The following BAIAP2 variants were observed in gnomAD, a reference collection of about 807,000 sequenced individuals.
BAIAP2 encodes BAR/IMD domain-containing adapter protein 2.
Under a neutral mutation model 63.0 loss-of-function variants are expected in BAIAP2, and 18 were observed. The observed-to-expected ratio is 0.29, with a 90% CI of 0.20 to 0.42. The LOEUF is 0.42. BAIAP2 is among the 10% of genes least tolerant of loss of function. The probability of loss-of-function intolerance (pLI) is 1.00; values close to 1 mark genes in which losing one functional copy is unlikely to be tolerated. For missense variants in BAIAP2, 610 were observed against 734.3 expected, an observed-to-expected ratio of 0.83 and a Z score of 1.96; for synonymous variants, 386 against 307.6, an observed-to-expected ratio of 1.25 and a Z score of -2.67.
intron 3 of BAIAP2, among the ~76,000 whole-genome samples, chr17:81,058,225 G>A (rs1384995084): frequency 6.6e-6 from 1 of 152,168 alleles, no homozygotes; most frequent in African/African-American, 2.4e-5. Flanking sequence ...AGTGTTCCCG[G>A]CAAATTGGAG....
At chr17:81,072,663 G>C (rs927688109) in intron 3 of BAIAP2, among the ~76,000 whole-genome samples, 32 of 152,146 alleles carry the variant, frequency 2.1e-4, no homozygotes, top group African/African-American at 7.0e-4. Context: ...AGACACCTGC[G>C]CCCAGAGGCC....
chr17:81,110,042 A>G, intron 13 of BAIAP2: 1 of 985,494 alleles, frequency 1.0e-6, no homozygotes. Context: ...CAGTGGACTC[A>G]GTGGCTACTG....
At chr17:81,082,293 T>G (rs2054761259) in intron 3 of BAIAP2, among the ~76,000 whole-genome samples, 1 of 152,120 alleles carries the variant, frequency 6.6e-6, no homozygotes, top group Non-Finnish European at 1.5e-5. Context: ...TAGGTAGACA[T>G]GCACGCACAT....
chr17:81,113,434 A>C (rs1435837840), intron 13 of BAIAP2, among the ~76,000 whole-genome samples: 1 of 152,162 alleles, frequency 6.6e-6, no homozygotes, highest in African/African-American at 2.4e-5. Flanking sequence ...ACTTTGTCAT[A>C]TTCTATTGGC....
intron 6 of BAIAP2, among the ~76,000 whole-genome samples, chr17:81,097,415 T>G (rs1044797104): frequency 2.0e-5 from 3 of 152,210 alleles, no homozygotes; most frequent in Non-Finnish European, 4.4e-5. Flanking sequence ...TTCTCACCCC[T>G]GTAGTGGAGG....
intron 7 of BAIAP2, among the ~76,000 whole-genome samples, chr17:81,102,075 C>A (rs936321177): frequency 2.0e-5 from 3 of 151,148 alleles, no homozygotes; most frequent in Non-Finnish European, 4.4e-5. Context: ...GCGGGATGTG[C>A]CTGCGGTGGC....
At chr17:81,103,845 T>C (rs2058803047) in intron 8 of BAIAP2, 62 bp from the exon 9 acceptor site, 1 of 1,601,414 alleles carries the variant, frequency 6.2e-7, no homozygotes, top group Non-Finnish European at 8.5e-7. Context: ...AGGGTTCTCT[T>C]TCCCCCTGGT....
intron 3 of BAIAP2, among the ~76,000 whole-genome samples, chr17:81,067,921 C>T (rs779534092): frequency 6.6e-6 from 1 of 152,294 alleles, no homozygotes; most frequent in Non-Finnish European, 1.5e-5. Flanking sequence ...AGAGAGGAGC[C>T]GCTCAGCCTT....
At chr17:81,080,008 C>T (rs1481719533) in intron 3 of BAIAP2, among the ~76,000 whole-genome samples, 3 of 152,184 alleles carry the variant, frequency 2.0e-5, no homozygotes, top group East Asian at 1.9e-4. Flanking sequence ...AGGCTCTCAA[C>T]GGCTGTGGAG....
In BAIAP2 at chr17:81,036,940, T is replaced by G. The variant is rs1391506993; in HGVS notation, c.54+1632T>G. 2.0e-6 allele frequency: 3 copies of G among 1,535,822 alleles called. No individual in the cohort carries two copies. The Admixed American group carries it at 5.9e-5, about 30-fold the overall frequency. ...CGCTGAAACCAGAAAGCAGGAACTT[T>G]CGTGGTGAGAGTTGGCAGGGGGTGA... On this transcript the variant is annotated intron_variant, in intron 1 of 13. Coordinates refer to ENST00000428708, the MANE Select transcript of BAIAP2 (RefSeq NM_001144888.2).
intron 12 of BAIAP2, chr17:81,108,164 G>A: frequency 2.2e-6 from 1 of 463,112 alleles, no homozygotes; most frequent in Non-Finnish European, 3.8e-6. Flanking sequence ...CGGCTCCCTG[G>A]GGGCAGGAGG....
At chr17:81,082,105 G>C (rs1263034551) in intron 3 of BAIAP2, among the ~76,000 whole-genome samples, 1 of 152,064 alleles carries the variant, frequency 6.6e-6, no homozygotes, top group Non-Finnish European at 1.5e-5. Context: ...GATCCAGCAT[G>C]ACCTACCTGT....
intron 3 of BAIAP2, among the ~76,000 whole-genome samples, chr17:81,068,151 C>T (rs911825069): frequency 1.3e-5 from 2 of 152,208 alleles, no homozygotes; most frequent in African/African-American, 4.8e-5. Flanking sequence ...AGACACTGGT[C>T]GCAGCCACGC....
At chr17:81,036,564 G>T (rs2046296139) in intron 1 of BAIAP2, among the ~76,000 whole-genome samples, 1 of 152,242 alleles carries the variant, frequency 6.6e-6, no homozygotes, top group South Asian at 2.1e-4. Flanking sequence ...CTTGAATACA[G>T]CTTTCAATAA....
At position 81,046,638 on chromosome 17, in the gene BAIAP2, G is replaced by A. The variant is rs9902544; in HGVS notation, c.55-7030G>A. On this transcript the variant is annotated intron_variant, in intron 1 of 13. Transcript: ENST00000428708. This position sits in a 1 kb window ranked among gnomAD's most constrained non-coding sequence, Gnocchi z 4.5. ...GTCCCCCAACCCCCCTGGCAGCCAA[G>A]GGAACTGAGCCTGTGGCCCCCGGAC... Among the ~76,000 whole-genome samples, 10,543 of 152,160 alleles carry A rather than the reference G, an allele frequency of 0.069. 582 individuals are homozygous for A. Among genetic ancestry groups the A allele is most frequent in the East Asian group, 0.32 (1,626 of 5,138 alleles).
chr17:81,098,176 C>T (rs2057956923), intron 6 of BAIAP2: 3 of 1,455,638 alleles, frequency 2.1e-6, no homozygotes, highest in Middle Eastern at 1.8e-4. Context: ...GTCACTTCCA[C>T]CTACAGCCCT....
intron 1 of BAIAP2, among the ~76,000 whole-genome samples, chr17:81,048,634 A>G (rs1054942954): frequency 1.3e-5 from 2 of 152,158 alleles, no homozygotes; most frequent in African/African-American, 2.4e-5. Flanking sequence ...TCGCCAGCCA[A>G]AAGGGCTCCC....
intron 3 of BAIAP2, among the ~76,000 whole-genome samples, chr17:81,079,392 G>A (rs759585242): frequency 1.3e-5 from 2 of 152,132 alleles, no homozygotes; most frequent in African/African-American, 2.4e-5. Flanking sequence ...AGTGTGGACC[G>A]GCTGCTGCTT....
intron 6 of BAIAP2, among the ~76,000 whole-genome samples, chr17:81,090,815 C>A (rs1182891287): frequency 7.8e-6 from 1 of 127,910 alleles, no homozygotes; most frequent in African/African-American, 2.6e-5. Context: ...CTGCCGGCCT[C>A]GCTGCTCCAG....
Sources: gnomAD v4.1 joint callset for allele counts (sites outside exome capture counted in the v4.1 genomes callset) on GRCh38, gnomAD v4.1.1 for gene constraint, Gnocchi (gnomAD v3.1) non-coding constraint, MANE v1.5 for transcripts, NCBI Gene and HGNC (gene_info 2026-07-23, HGNC 2026-07-21) for gene names.